Variants in PDE6C observed in about 807,000 individuals in gnomAD.
PDE6C encodes cone cGMP-specific 3',5'-cyclic phosphodiesterase subunit alpha'.
In PDE6C, 75 loss-of-function variants were observed where a neutral mutation model predicts 113.1. The observed-to-expected ratio is 0.66, with a 90% CI of 0.55 to 0.80. The LOEUF is 0.80. Ranked by LOEUF, PDE6C falls within the 30% of genes least tolerant of loss-of-function variation. The pLI is 0.00. For synonymous variants in PDE6C, 375 were observed against 363.7 expected, an observed-to-expected ratio of 1.03 and a Z score of -0.35; for missense variants, 912 against 1,038.6, an observed-to-expected ratio of 0.88 and a Z score of 1.67.
At chr10:93,661,372 T>C (rs1052058307) in intron 18 of PDE6C, among the ~76,000 whole-genome samples, 12 of 152,202 alleles carry the variant, frequency 7.9e-5, no homozygotes, top group Non-Finnish European at 5.9e-5. Context: ...TTCTTCACAA[T>C]ACAACATAAA....
rs533337383 is a variant in PDE6C, at chr10:93,613,156, G to C, written c.431G>C (p.Gly144Ala). ...VVFPLDIGIV[G>A]WAAHTKKTHN... is the part of the protein sequence containing the mutation. ...TTTCCATTGGACATTGGGATAGTGG[G>C]TTGGGCTGCTCACACGAAGAAAACT... The change falls in exon 1 of 22, where the codon GGT (glycine) becomes GCT (alanine). Residue 144 changes from glycine (G) to alanine (A), a missense_variant. Transcript: ENST00000371447. 2.0e-5 allele frequency: 32 copies of C among 1,614,008 alleles called. No individual in the cohort carries two copies. The African/African-American group carries it at 3.7e-4, about 19-fold the overall frequency.
intron 4 of PDE6C, among the ~76,000 whole-genome samples, chr10:93,623,486 T>C (rs1248487903): frequency 6.6e-6 from 1 of 152,216 alleles, no homozygotes; most frequent in African/African-American, 2.4e-5. Flanking sequence ...TTTTCTATAT[T>C]TTTTCTTTCA....
chr10:93,617,035 A>G, intron 1 of PDE6C, among the ~76,000 whole-genome samples: 1 of 152,150 alleles, frequency 6.6e-6, no homozygotes. Flanking sequence ...CTGTGGTTTA[A>G]AAGTCCTCCT....
At chr10:93,621,739 A>G (rs1327324803) in intron 3 of PDE6C, among the ~76,000 whole-genome samples, 193 bp from the exon 4 acceptor site, 3 of 152,236 alleles carry the variant, frequency 2.0e-5, no homozygotes, top group Non-Finnish European at 2.9e-5. Context: ...CAGCCTTGCA[A>G]AAGTCTACTC....
intron 8 of PDE6C, among the ~76,000 whole-genome samples, chr10:93,633,274 T>C (rs141535732): frequency 0.018 from 2,775 of 152,134 alleles, 42 homozygotes; most frequent in Non-Finnish European, 0.029. Flanking sequence ...AAGATCAGCC[T>C]GGCCAACATG....
At chr10:93,631,873 T>C (rs1433733380) in intron 8 of PDE6C, among the ~76,000 whole-genome samples, 2 of 152,236 alleles carry the variant, frequency 1.3e-5, no homozygotes, top group East Asian at 1.9e-4. Context: ...TCATTTCCTA[T>C]TGCTGCTGTC....
At chr10:93,642,528 T>G (rs1298356882) in intron 14 of PDE6C, among the ~76,000 whole-genome samples, 1 of 91,760 alleles carries the variant, frequency 1.1e-5, no homozygotes, top group East Asian at 2.5e-4. Context: ...TTCTCATTTC[T>G]GACACATGAA....
rs147097341 is a variant in PDE6C at position 93,640,952 on chromosome 10, C to T, written c.1770C>T (p.Leu590=). 112 of 1,612,100 alleles carry T rather than the reference C, an allele frequency of 6.9e-5. 1 individual carries two copies. The South Asian group carries it at 7.1e-4, about 10-fold the overall frequency. ...GATTAAAGAAGTACTACACAGATCT[C>T]GAAGCCTTTGCCATGCTTGCTGCTG... The part of the protein sequence containing the change: ...TGRLKKYYTD[L]EAFAMLAAAF... The change falls in exon 14 of 22, where the codon CTC becomes CTT. Residue 590 remains leucine (L), a synonymous_variant. Transcript: ENST00000371447.
chr10:93,616,986 G>A (rs116281910), intron 1 of PDE6C, among the ~76,000 whole-genome samples: 4,316 of 152,096 alleles, frequency 0.028, 82 homozygotes, highest in Middle Eastern at 0.044. Flanking sequence ...TTCTCTATTC[G>A]GAAAGCTGTC....
intron 11 of PDE6C, among the ~76,000 whole-genome samples, chr10:93,637,949 G>A (rs967409464): frequency 5.9e-5 from 9 of 151,984 alleles, no homozygotes; most frequent in African/African-American, 1.9e-4. Flanking sequence ...GTTTCTTCTG[G>A]CAGGTGAGAG....
intron 7 of PDE6C, 110 bp from the exon 8 acceptor site, chr10:93,629,148 G>A: frequency 1.1e-6 from 1 of 887,110 alleles, no homozygotes; most frequent in Admixed American, 1.7e-5. Context: ...GCAGTCAAGA[G>A]CCGTGTAGAA....
chr10:93,662,084 T>G lies in PDE6C; in HGVS notation c.2234T>G (p.Phe745Cys), dbSNP rs2058668330. 2 of 1,610,750 alleles carry G rather than the reference T, an allele frequency of 1.2e-6. No homozygotes were observed. Among genetic ancestry groups the G allele is most frequent in the Non-Finnish European group, 8.5e-7 (1 of 1,177,002 alleles). The change falls in exon 19 of 22, where the codon TTT (phenylalanine) becomes TGT (cysteine). Residue 745 changes from phenylalanine to cysteine, a missense_variant. By Grantham distance (205) the Phe-to-Cys change is radical. Coordinates refer to ENST00000371447, the MANE Select transcript of PDE6C (RefSeq NM_006204.4). The part of the protein sequence containing the change: ...SQVALMVANE[F>C]WEQGDLERTV... ...GTAGCACTTATGGTTGCAAATGAAT[T>G]TTGGGAACAAGGAGATCTGGAGAGA...
intron 10 of PDE6C, 145 bp from the exon 11 acceptor site, chr10:93,636,850 T>C (rs1037790361): frequency 7.7e-6 from 5 of 645,628 alleles, no homozygotes; most frequent in Non-Finnish European, 1.4e-5. Flanking sequence ...TCACTGCATC[T>C]TCCAACTCCT....
chr10:93,657,006 A>G (rs1589705019), intron 16 of PDE6C, among the ~76,000 whole-genome samples: 1 of 152,222 alleles, frequency 6.6e-6, no homozygotes, highest in South Asian at 2.1e-4. Flanking sequence ...TTATAAGGAG[A>G]AAAAAACTAG....
chr10:93,644,052 G>A (rs1303873965), intron 14 of PDE6C, among the ~76,000 whole-genome samples: 2 of 152,078 alleles, frequency 1.3e-5, no homozygotes, highest in African/African-American at 2.4e-5. Context: ...GAAGAGTCTA[G>A]GCCAACTATT....
chr10:93,635,261 C>G (rs1319445233), intron 9 of PDE6C, among the ~76,000 whole-genome samples: 1 of 152,190 alleles, frequency 6.6e-6, no homozygotes, highest in Non-Finnish European at 1.5e-5. Context: ...CTTGACTATA[C>G]TGGTGTTGGT....
At chr10:93,634,094 C>A (rs2058516251) in intron 8 of PDE6C, among the ~76,000 whole-genome samples, 1 of 152,020 alleles carries the variant, frequency 6.6e-6, no homozygotes, top group African/African-American at 2.4e-5. Flanking sequence ...ACGATCTTGG[C>A]TCACTGCAGC....
chr10:93,631,635 G>C (rs531401698), intron 8 of PDE6C, among the ~76,000 whole-genome samples: 1 of 152,154 alleles, frequency 6.6e-6, no homozygotes, highest in African/African-American at 2.4e-5. Flanking sequence ...GCATCATTCC[G>C]CACAGCGGAC....
chr10:93,641,600 C>T lies in PDE6C; in HGVS notation c.1847+571C>T, dbSNP rs183784713. Among the ~76,000 whole-genome samples, 7 of 152,188 alleles carry T rather than the reference C, an allele frequency of 4.6e-5. No individual in the cohort carries two copies. The East Asian group carries it at 1.4e-3, about 29-fold the overall frequency. On this transcript the variant is annotated intron_variant, in intron 14 of 21. Coordinates refer to ENST00000371447, the MANE Select transcript of PDE6C (RefSeq NM_006204.4). ...CAGAGGTTGTAGTGAGCCAAGATTG[C>T]ACTACTGCACTCCAGCTGGAGCGAC... is the stretch of plus-strand genomic sequence containing the variant.
Sources: gnomAD v4.1 joint callset for allele counts (sites outside exome capture counted in the v4.1 genomes callset) on GRCh38, gnomAD v4.1.1 for gene constraint, MANE v1.5 for transcripts, NCBI Gene and HGNC (gene_info 2026-07-23, HGNC 2026-07-21) for gene names.